Variants in PRRX2 observed in about 807,000 individuals in gnomAD.
The protein encoded by PRRX2 is paired mesoderm homeobox protein 2.
Under a neutral mutation model 18.0 loss-of-function variants are expected in PRRX2, and 11 were observed. The observed-to-expected ratio is 0.61, with a 90% CI of 0.39 to 1.01. The LOEUF (loss-of-function observed/expected upper bound fraction) is 1.01, where lower values mean the gene tolerates loss of function less well. PRRX2 is among the 50% of genes least tolerant of loss of function. The pLI is 0.01. For missense variants in PRRX2, 387 were observed against 351.0 expected (o/e 1.10, Z -0.82); for synonymous variants, 177 against 154.8 (o/e 1.14, Z -1.06).
At chr9:129,711,467 A>G (rs556108411) in intron 1 of PRRX2, among the ~76,000 whole-genome samples, 2 of 139,610 alleles carry the variant, frequency 1.4e-5, no homozygotes, top group Non-Finnish European at 3.0e-5. Flanking sequence ...GTGCAGTGAC[A>G]TGATCTCGGC....
rs1832779664 is a variant in PRRX2, at chr9:129,720,751, C to G, written c.603C>G (p.Ser201=). ...RPTALSPDYL[S]WTASSPYSTV... The stretch of plus-strand genomic sequence containing the variant: ...CCGCCCTGAGTCCAGATTATCTCTC[C>G]TGGACAGCCTCGTCCCCCTACAGGT... The change falls in exon 3 of 4, where the codon TCC becomes TCG. Residue 201 remains serine (S), a synonymous_variant. Coordinates refer to ENST00000372469, the MANE Select transcript of PRRX2 (RefSeq NM_016307.4). The G allele has an allele frequency of 6.2e-7, 1 of 1,603,014 alleles. No individual in the cohort carries two copies. The highest frequency in any genetic ancestry group is 1.7e-4 in the Middle Eastern group (1 of 6,026).
At chr9:129,697,947 G>A (rs1027250580) in intron 1 of PRRX2, among the ~76,000 whole-genome samples, 1 of 152,052 alleles carries the variant, frequency 6.6e-6, no homozygotes, top group Non-Finnish European at 1.5e-5. Flanking sequence ...GGTGGGGGAG[G>A]GGAGCGTGGA....
At chr9:129,672,147 T>C (rs1432095881) in intron 1 of PRRX2, among the ~76,000 whole-genome samples, 1 of 151,502 alleles carries the variant, frequency 6.6e-6, no homozygotes, top group African/African-American at 2.4e-5. Flanking sequence ...ACCTTGGGGG[T>C]GATTTAAGGG....
rs1417317575 is a variant in PRRX2 at position 129,719,424 on chromosome 9, C to T, written c.447+6C>T. 5 of 1,517,596 alleles carry T rather than the reference C, an allele frequency of 3.3e-6. No homozygotes were observed. Among genetic ancestry groups the T allele is most frequent in the Non-Finnish European group, 4.4e-6 (5 of 1,131,336 alleles). 94.0% of individuals were successfully genotyped at this position (1,517,596 alleles called of 1,614,324 possible). On this transcript the variant is annotated splice_donor_region_variant and intron_variant, in intron 2 of 3. Coordinates refer to ENST00000372469, the MANE Select transcript of PRRX2 (RefSeq NM_016307.4). The stretch of plus-strand genomic sequence containing the variant: ...TCAGCGAGGCGCGCGTTCAGGTGAG[C>T]GCTCAGTCCCGGGCCTCCCGTGGGA...
chr9:129,669,906 G>C (rs762490814), intron 1 of PRRX2, among the ~76,000 whole-genome samples: 1 of 151,576 alleles, frequency 6.6e-6, no homozygotes, highest in Non-Finnish European at 1.5e-5. Context: ...CATTAAGTCC[G>C]TTCACATTGT....
chr9:129,697,097 T>A (rs1158532689), intron 1 of PRRX2, among the ~76,000 whole-genome samples: 1 of 152,222 alleles, frequency 6.6e-6, no homozygotes, highest in East Asian at 1.9e-4. Flanking sequence ...CGGCCCGGCC[T>A]GGCCCTTAGC....
intron 1 of PRRX2, among the ~76,000 whole-genome samples, chr9:129,681,181 G>C (rs186875546): frequency 6.6e-6 from 1 of 152,182 alleles, no homozygotes; most frequent in African/African-American, 2.4e-5. Context: ...TTCAGTGCTG[G>C]CTCCTTTTCT....
chr9:129,692,169 C>T (rs143762580), intron 1 of PRRX2, among the ~76,000 whole-genome samples: 77 of 151,604 alleles, frequency 5.1e-4, no homozygotes, highest in African/African-American at 1.7e-3. Context: ...AGGCTGGTCT[C>T]GAACTCCTGA....
chr9:129,684,458 A>ACACACACACACCCC (rs375037713), intron 1 of PRRX2, among the ~76,000 whole-genome samples: 1 of 118,610 alleles, frequency 8.4e-6, no homozygotes, highest in African/African-American at 2.9e-5. Flanking sequence ...ACACACACAC[A>ACACACACACACCCC]CCCAACAGAA....
intron 1 of PRRX2, among the ~76,000 whole-genome samples, chr9:129,669,834 G>A (rs1010270025): frequency 2.6e-5 from 4 of 151,986 alleles, no homozygotes; most frequent in South Asian, 4.2e-4. Flanking sequence ...TTTTTATTGC[G>A]ATAAAAGATG....
intron 1 of PRRX2, among the ~76,000 whole-genome samples, chr9:129,674,614 G>A (rs7859181): frequency 0.085 from 12,940 of 152,046 alleles, 733 homozygotes; most frequent in African/African-American, 0.15. Context: ...GGACCCCCCC[G>A]CCCCCAGAGC....
chr9:129,720,221 C>T (rs1164744110), intron 2 of PRRX2, among the ~76,000 whole-genome samples: 1 of 150,376 alleles, frequency 6.6e-6, no homozygotes, highest in Non-Finnish European at 1.5e-5. Flanking sequence ...GCAAGCCCCT[C>T]TCCCCGCGAG....
intron 1 of PRRX2, among the ~76,000 whole-genome samples, chr9:129,667,760 G>T (rs1284545612): frequency 6.6e-6 from 1 of 152,180 alleles, no homozygotes; most frequent in East Asian, 1.9e-4. Context: ...CTGGTGGCGG[G>T]TTTCCCCGGG....
chr9:129,715,750 T>TCTCTCTCTCTCACACA lies in PRRX2; in HGVS notation c.260-3480_260-3479insTCTCTCTCTCACACAC, dbSNP rs762929485. On this transcript the variant is annotated intron_variant, in intron 1 of 3. Transcript: ENST00000372469. This position sits in a 1 kb window ranked among gnomAD's most constrained non-coding sequence, Gnocchi z 4.0. ...AAACCCAGCTTCAGGGACATCTTTC[T>TCTCTCTCTCTCACACA]CACACACACACACACACACACACAC... is the stretch of plus-strand genomic sequence containing the variant. 2.5e-3 allele frequency among the ~76,000 whole-genome samples: 347 copies of TCTCTCTCTCTCACACA among 138,942 alleles called. 1 individual carries two copies. The highest frequency in any genetic ancestry group is 8.9e-3 in the African/African-American group (330 of 36,908). 91.2% of individuals were successfully genotyped at this position (138,942 alleles called of 152,430 possible). A position where few individuals can be genotyped will look rare whatever the true frequency, so the allele number is the denominator to read the frequency against.
intron 1 of PRRX2, among the ~76,000 whole-genome samples, chr9:129,705,428 C>G (rs955069376): frequency 6.6e-6 from 1 of 152,144 alleles, no homozygotes; most frequent in Non-Finnish European, 1.5e-5. Flanking sequence ...GATCCTGGCC[C>G]ACGGCAACCT....
chr9:129,671,871 G>A lies in PRRX2; in HGVS notation c.259+5745G>A, dbSNP rs999736975. Among the ~76,000 whole-genome samples, 1 of 150,888 alleles carries A rather than the reference G, an allele frequency of 6.6e-6. No individual in the cohort carries two copies. The highest frequency in any genetic ancestry group is 1.5e-5 in the Non-Finnish European group (1 of 67,700). Reference sequence around the variant, plus strand: ...CTCCTGCACAGTCCTTGGGCTGGAGGAGTCAGGGAAGGGGAGCTCTCCTGG... The same window carrying A: ...CTCCTGCACAGTCCTTGGGCTGGAGAAGTCAGGGAAGGGGAGCTCTCCTGG... On this transcript the variant is annotated intron_variant, in intron 1 of 3. Coordinates refer to ENST00000372469, the MANE Select transcript of PRRX2 (RefSeq NM_016307.4). This position sits in a 1 kb window ranked among gnomAD's most constrained non-coding sequence, Gnocchi z 4.0.
chr9:129,665,898 G>A lies in PRRX2; in HGVS notation c.31G>A (p.Asp11Asn). 1 of 1,100,556 alleles carries A rather than the reference G, an allele frequency of 9.1e-7. No individual in the cohort carries two copies. The highest frequency in any genetic ancestry group is 1.1e-6 in the Non-Finnish European group (1 of 907,266). 68.2% of individuals were successfully genotyped at this position (1,100,556 alleles called of 1,614,324 possible). ...CAGCGCGGCCGCCGCCTTCGCCCTGGACAAGCCGGCGCTGGGCCCGGGGCC... is the reference window on the plus strand; with the variant it reads ...CAGCGCGGCCGCCGCCTTCGCCCTGAACAAGCCGGCGCTGGGCCCGGGGCC... MDSAAAAFAL[D>N]KPALGPGPPP... Residue 11 changes from aspartate (D) to asparagine (N), a missense_variant, in exon 1 of 4, where the codon GAC becomes AAC. Asp to Asn is a conservative substitution (Grantham distance 23, BLOSUM62 1). Transcript: ENST00000372469. The surrounding 1 kb of genome is among the most constrained non-coding windows in gnomAD (Gnocchi z 5.3).
chr9:129,690,742 A>G (rs1419863956), intron 1 of PRRX2, among the ~76,000 whole-genome samples: 3 of 151,430 alleles, frequency 2.0e-5, no homozygotes, highest in South Asian at 4.2e-4. Context: ...TCCTGACCTC[A>G]TGATCTGCCC....
intron 1 of PRRX2, among the ~76,000 whole-genome samples, chr9:129,707,032 G>A (rs558434661): frequency 6.6e-6 from 1 of 152,152 alleles, no homozygotes; most frequent in African/African-American, 2.4e-5. Flanking sequence ...AAGGCGGGCA[G>A]ATCACTTGAG....
Sources: allele counts gnomAD v4.1 joint callset (sites outside exome capture counted in the v4.1 genomes callset), GRCh38; gene constraint gnomAD v4.1.1; non-coding constraint Gnocchi (gnomAD v3.1); transcripts MANE v1.5; gene names NCBI Gene and HGNC (gene_info 2026-07-23, HGNC 2026-07-21).